The following AFF3 variants were observed in gnomAD, a reference collection of about 807,000 sequenced individuals.
The protein encoded by AFF3 is ALF transcription elongation factor 3.
AFF3 carries 32 observed loss-of-function variants against 129.7 expected under a neutral mutation model. The ratio of observed to expected loss-of-function variants is 0.25; its 90% CI spans 0.19 to 0.33. The LOEUF is 0.33. Ranked by LOEUF, AFF3 falls within the 10% of genes least tolerant of loss-of-function variation. The pLI is 1.00. For synonymous variants in AFF3, 644 were observed against 635.4 expected (o/e 1.01, Z -0.20); for missense variants, 1,373 against 1,592.0 (o/e 0.86, Z 2.34).
At chr2:100,018,691 C>G (rs890008644) in intron 4 of AFF3, among the ~76,000 whole-genome samples, 8 of 151,800 alleles carry the variant, frequency 5.3e-5, no homozygotes, top group African/African-American at 1.5e-4. Flanking sequence ...TCTGATTTAC[C>G]ATCTTCTCCT....
At chr2:100,068,517 G>A (rs912500109) in intron 4 of AFF3, among the ~76,000 whole-genome samples, 6 of 152,180 alleles carry the variant, frequency 3.9e-5, no homozygotes, top group Non-Finnish European at 1.5e-5. Context: ...GTTGGAAGAG[G>A]ATGAGTTTCT....
chr2:100,046,335 T>C (rs551235579), intron 4 of AFF3, among the ~76,000 whole-genome samples: 1 of 152,292 alleles, frequency 6.6e-6, no homozygotes, highest in South Asian at 2.1e-4. Context: ...TTCCAACCTA[T>C]AAGTCTGGTA....
chr2:99,764,368 T>C (rs982005836), intron 8 of AFF3, among the ~76,000 whole-genome samples: 103 of 152,152 alleles, frequency 6.8e-4, no homozygotes, highest in African/African-American at 2.3e-3. Flanking sequence ...CCTTAAAAGT[T>C]TGTTTCATGC....
chr2:99,655,349 G>A (rs1028135385), intron 12 of AFF3, among the ~76,000 whole-genome samples: 4 of 152,104 alleles, frequency 2.6e-5, no homozygotes, highest in Non-Finnish European at 5.9e-5. Flanking sequence ...TTTGGAATGA[G>A]TGTCAAGGAA....
intron 12 of AFF3, among the ~76,000 whole-genome samples, chr2:99,663,989 T>C (rs1686461537): frequency 6.6e-6 from 1 of 152,338 alleles, no homozygotes; most frequent in Non-Finnish European, 1.5e-5. Context: ...GCAGAGCTCA[T>C]CTTTTTGCCA....
intron 4 of AFF3, among the ~76,000 whole-genome samples, chr2:100,066,119 C>T (rs1687698806): frequency 6.6e-6 from 1 of 152,110 alleles, no homozygotes; most frequent in Non-Finnish European, 1.5e-5. Context: ...CCTCCCCCTG[C>T]CAGATATTTT....
intron 2 of AFF3, among the ~76,000 whole-genome samples, chr2:100,107,708 T>C (rs1008308411): frequency 6.6e-6 from 1 of 152,154 alleles, no homozygotes; most frequent in Non-Finnish European, 1.5e-5. Context: ...GTAGACTAAA[T>C]GTACCAAAGA....
chr2:99,816,976 T>C (rs1687286743), intron 8 of AFF3, among the ~76,000 whole-genome samples: 1 of 152,196 alleles, frequency 6.6e-6, no homozygotes, highest in Admixed American at 6.5e-5. Flanking sequence ...AATATGATTC[T>C]GAGTTGAATA....
chr2:99,672,779 C>T (rs1027463771), intron 11 of AFF3, among the ~76,000 whole-genome samples, 190 bp from the exon 12 acceptor site: 7 of 152,106 alleles, frequency 4.6e-5, no homozygotes, highest in African/African-American at 1.7e-4. Context: ...TAGTAGACAG[C>T]CCCATCATAA....
intron 11 of AFF3, among the ~76,000 whole-genome samples, chr2:99,714,423 T>C (rs1678192590): frequency 6.6e-6 from 1 of 152,174 alleles, no homozygotes; most frequent in South Asian, 2.1e-4. Flanking sequence ...TTCCAATAGT[T>C]GGAGAAACAG....
intron 7 of AFF3, among the ~76,000 whole-genome samples, chr2:99,985,551 G>A (rs1679785449): frequency 1.3e-5 from 2 of 152,286 alleles, no homozygotes; most frequent in South Asian, 4.1e-4. Flanking sequence ...CAAAAAGTGA[G>A]AGGTAAGGAT....
intron 4 of AFF3, among the ~76,000 whole-genome samples, chr2:100,057,979 C>A (rs1019251007): frequency 1.3e-5 from 2 of 152,102 alleles, no homozygotes; most frequent in Admixed American, 1.3e-4. Context: ...GAGTAAATCA[C>A]CCTAGCTAGA....
At position 99,628,866 on chromosome 2, in the gene AFF3, G is replaced by A. The variant is rs147504070; in HGVS notation, c.1184+20760C>T. Among the ~76,000 whole-genome samples the A allele has an allele frequency of 2.8e-3, 431 of 151,854 alleles. 2 individuals are homozygous for A. The highest frequency in any genetic ancestry group is 9.7e-3 in the African/African-American group (400 of 41,396). ...CTCCTGACTAGCTGGGATTACAGGC[G>A]CGTGCCACCATGCCCAGTTAATTTT... On this transcript the variant is annotated intron_variant, in intron 13 of 24. Transcript: ENST00000672756.
intron 4 of AFF3, among the ~76,000 whole-genome samples, chr2:100,067,701 T>C (rs1687841895): frequency 6.6e-6 from 1 of 152,188 alleles, no homozygotes; most frequent in Non-Finnish European, 1.5e-5. Context: ...AGCCCATATT[T>C]TTATCATCCC....
At chr2:99,668,356 G>C (rs1176903771) in intron 12 of AFF3, among the ~76,000 whole-genome samples, 1 of 151,926 alleles carries the variant, frequency 6.6e-6, no homozygotes, top group Non-Finnish European at 1.5e-5. Context: ...ATTTTTAGTA[G>C]AGACTGGTTT....
At chr2:100,067,635 C>A (rs1687836402) in intron 4 of AFF3, among the ~76,000 whole-genome samples, 1 of 152,054 alleles carries the variant, frequency 6.6e-6, no homozygotes, top group Non-Finnish European at 1.5e-5. Context: ...ATAATGCACA[C>A]TAGCATGATG....
At position 99,583,030 on chromosome 2, in the gene AFF3, TAC is replaced by T. The variant is rs777666973; in HGVS notation, c.2592-33_2592-32del. ...AAAGGAAATTACGGTAATGGAATGT[TAC>T]AGAGTCAGCACAGGGAAAGGTAAAT... On this transcript the variant is annotated intron_variant, in intron 16 of 24. Transcript: ENST00000672756. The T allele has an allele frequency of 1.9e-6, 3 of 1,599,378 alleles. No homozygotes were observed. In the South Asian group the frequency reaches 3.3e-5, roughly 18 times the overall value.
chr2:99,899,795 T>C (rs972916952), intron 7 of AFF3, among the ~76,000 whole-genome samples: 5 of 152,174 alleles, frequency 3.3e-5, no homozygotes, highest in African/African-American at 1.2e-4. Context: ...CCTAATGAAA[T>C]AGAAAGGCAA....
At chr2:99,716,897 T>C (rs1157947817) in intron 11 of AFF3, among the ~76,000 whole-genome samples, 1 of 148,714 alleles carries the variant, frequency 6.7e-6, no homozygotes, top group Non-Finnish European at 1.5e-5. Flanking sequence ...AAAAAATATA[T>C]ATATATATAT....
Sources: allele counts gnomAD v4.1 joint callset (sites outside exome capture counted in the v4.1 genomes callset), GRCh38; gene constraint gnomAD v4.1.1; transcripts MANE v1.5; gene names NCBI Gene and HGNC (gene_info 2026-07-23, HGNC 2026-07-21).